Variants in SPOCK1 observed in about 807,000 individuals in gnomAD.
SPOCK1 encodes SPARC (osteonectin), cwcv and kazal like domains proteoglycan 1.
SPOCK1 carries 23 observed loss-of-function variants against 55.3 expected under a neutral mutation model. The ratio of observed to expected loss-of-function variants is 0.42; its 90% CI spans 0.30 to 0.59. SPOCK1 has a LOEUF of 0.59. SPOCK1 is among the 20% of genes least tolerant of loss of function. The probability of loss-of-function intolerance (pLI) is 0.22; values close to 1 mark genes in which losing one functional copy is unlikely to be tolerated. For missense variants in SPOCK1, 499 were observed against 552.5 expected, an observed-to-expected ratio of 0.90 and a Z score of 0.97; for synonymous variants, 226 against 221.0, an observed-to-expected ratio of 1.02 and a Z score of -0.20.
chr5:137,174,128 C>T (rs1248216158), intron 3 of SPOCK1, among the ~76,000 whole-genome samples: 1 of 152,194 alleles, frequency 6.6e-6, no homozygotes, highest in African/African-American at 2.4e-5. Context: ...ACATTTAAAT[C>T]AAGTGAGCAA....
At chr5:137,285,543 T>C (rs902920815) in intron 2 of SPOCK1, among the ~76,000 whole-genome samples, 23 of 152,170 alleles carry the variant, frequency 1.5e-4, no homozygotes, top group African/African-American at 4.6e-4. Flanking sequence ...GGCCCACTCA[T>C]ATTCAGCTTA....
chr5:137,318,061 C>T (rs17600489), intron 2 of SPOCK1, among the ~76,000 whole-genome samples: 3,655 of 152,290 alleles, frequency 0.024, 71 homozygotes, highest in Non-Finnish European at 0.036. Context: ...ATTCACCAGA[C>T]ACCTGCAACC....
chr5:137,279,517 G>T (rs116254772), intron 2 of SPOCK1, among the ~76,000 whole-genome samples: 1 of 152,166 alleles, frequency 6.6e-6, no homozygotes, highest in African/African-American at 2.4e-5. Context: ...GCAGGTGCAC[G>T]ATCATGCAGT....
At chr5:137,410,086 A>G (rs902192665) in intron 2 of SPOCK1, among the ~76,000 whole-genome samples, 14 of 152,218 alleles carry the variant, frequency 9.2e-5, no homozygotes, top group Non-Finnish European at 7.3e-5. Context: ...AAAACTTCAC[A>G]TTCTCCCTTA....
At chr5:137,028,775 A>T (rs577352723) in intron 6 of SPOCK1, among the ~76,000 whole-genome samples, 2 of 152,160 alleles carry the variant, frequency 1.3e-5, no homozygotes, top group Admixed American at 6.5e-5. Context: ...GGTGGGAACT[A>T]AGCCAGTTTC....
chr5:137,334,992 C>A (rs973143100), intron 2 of SPOCK1, among the ~76,000 whole-genome samples: 8 of 152,204 alleles, frequency 5.3e-5, no homozygotes, highest in African/African-American at 1.4e-4. Flanking sequence ...GATTTCACCC[C>A]TATGACATGT....
At chr5:137,243,507 A>G (rs1357694138) in intron 3 of SPOCK1, among the ~76,000 whole-genome samples, 1 of 152,234 alleles carries the variant, frequency 6.6e-6, no homozygotes, top group East Asian at 1.9e-4. Context: ...GGTACCATCC[A>G]GAACAAACTG....
At chr5:137,419,861 G>T (rs1752445387) in intron 2 of SPOCK1, among the ~76,000 whole-genome samples, 1 of 152,120 alleles carries the variant, frequency 6.6e-6, no homozygotes, top group Non-Finnish European at 1.5e-5. Context: ...GGTGAGAGAG[G>T]GCATCCCTGT....
At chr5:137,086,550 G>A (rs1453529626) in intron 5 of SPOCK1, among the ~76,000 whole-genome samples, 1 of 152,178 alleles carries the variant, frequency 6.6e-6, no homozygotes, top group African/African-American at 2.4e-5. Context: ...ATTGAATAAA[G>A]GCCTTCTCGG....
chr5:137,273,381 C>A, intron 2 of SPOCK1: 2 of 985,044 alleles, frequency 2.0e-6, no homozygotes, highest in African/African-American at 1.7e-5. Flanking sequence ...CCTACCTCAA[C>A]TTCCTGAGTA....
intron 3 of SPOCK1, among the ~76,000 whole-genome samples, chr5:137,177,679 C>G (rs551231204): frequency 1.3e-5 from 2 of 152,180 alleles, no homozygotes; most frequent in African/African-American, 4.8e-5. Flanking sequence ...AAAAAGTATT[C>G]CTCCGCAAAA....
chr5:137,289,199 T>TG (rs565620104), intron 2 of SPOCK1, among the ~76,000 whole-genome samples: 6 of 152,256 alleles, frequency 3.9e-5, no homozygotes, highest in Non-Finnish European at 7.3e-5. Context: ...AAAGGACTGA[T>TG]GAATGCTCAT....
intron 5 of SPOCK1, among the ~76,000 whole-genome samples, chr5:137,094,835 C>T (rs1369289059): frequency 1.3e-5 from 2 of 152,244 alleles, no homozygotes; most frequent in African/African-American, 2.4e-5. Context: ...TTTGCACTTA[C>T]AACTTGGCTT....
At chr5:137,300,036 A>G (rs1161629808) in intron 2 of SPOCK1, among the ~76,000 whole-genome samples, 2 of 152,142 alleles carry the variant, frequency 1.3e-5, no homozygotes, top group East Asian at 1.9e-4. Context: ...TTACACATAT[A>G]TTAGACCACT....
At chr5:137,423,553 G>T (rs1221532839) in intron 2 of SPOCK1, among the ~76,000 whole-genome samples, 1 of 152,190 alleles carries the variant, frequency 6.6e-6, no homozygotes, top group South Asian at 2.1e-4. Context: ...AGCAATGAGC[G>T]AGGCTCCATG....
At chr5:137,131,687 T>TC (rs979667137) in intron 4 of SPOCK1, among the ~76,000 whole-genome samples, 13 of 148,756 alleles carry the variant, frequency 8.7e-5, no homozygotes, top group Admixed American at 2.0e-4. Context: ...AAAAAATATC[T>TC]CCCCCCCGGG....
At chr5:137,052,244 T>C (rs903312501) in intron 6 of SPOCK1, among the ~76,000 whole-genome samples, 1 of 152,350 alleles carries the variant, frequency 6.6e-6, no homozygotes, top group Non-Finnish European at 1.5e-5. Context: ...ACTCATTTTA[T>C]GTGAAAATGA....
intron 3 of SPOCK1, among the ~76,000 whole-genome samples, chr5:137,223,825 T>A (rs554150993): frequency 2.2e-4 from 34 of 151,670 alleles, no homozygotes; most frequent in African/African-American, 6.3e-4. Flanking sequence ...GAAAAAAAAA[T>A]ATAAAGCTAG....
At chr5:137,280,044 G>A (rs894700752) in intron 2 of SPOCK1, among the ~76,000 whole-genome samples, 5 of 152,082 alleles carry the variant, frequency 3.3e-5, no homozygotes, top group South Asian at 2.1e-4. Context: ...GAGGTCCCCC[G>A]CACAGCCAGT....
Sources: gnomAD v4.1 joint callset for allele counts (sites outside exome capture counted in the v4.1 genomes callset) on GRCh38, gnomAD v4.1.1 for gene constraint, MANE v1.5 for transcripts, NCBI Gene and HGNC (gene_info 2026-07-23, HGNC 2026-07-21) for gene names.